Variants in TRIM54 observed in about 807,000 individuals in gnomAD.
The protein encoded by TRIM54 is tripartite motif-containing protein 54.
In TRIM54, 40 loss-of-function variants were observed where a neutral mutation model predicts 42.0. The observed-to-expected ratio is 0.95, with a 90% confidence interval of 0.74 to 1.24. The LOEUF is 1.24. TRIM54 is among the 50% of genes most tolerant of loss of function. The probability of loss-of-function intolerance (pLI) is 0.00; values close to 1 mark genes in which losing one functional copy is unlikely to be tolerated. For missense variants in TRIM54, 485 were observed against 480.3 expected, an observed-to-expected ratio of 1.01 and a Z score of -0.09; for synonymous variants, 199 against 194.9, an observed-to-expected ratio of 1.02 and a Z score of -0.17.
chr2:27,293,687 T>C lies in TRIM54; in HGVS notation c.169-4880T>C, dbSNP rs186067760. 3.3e-4 allele frequency among the ~76,000 whole-genome samples: 50 copies of C among 152,316 alleles called. 1 individual carries two copies. The East Asian group carries it at 7.7e-3, about 23-fold the overall frequency. On this transcript the variant is annotated intron_variant, in intron 1 of 8. Transcript: ENST00000380075. Reference sequence around the variant, plus strand: ...CTTTCCTCTGTGAAGGTTTGAGGTTTGTTCCTTCATTACCCTTTTACTTTT... The same window carrying C: ...CTTTCCTCTGTGAAGGTTTGAGGTTCGTTCCTTCATTACCCTTTTACTTTT...
rs1558580798 is a variant in TRIM54, at chr2:27,283,764, G to GCACACACGCACGCGCGCGCGCGCA, written c.168+872_168+873insGCACGCGCGCGCGCGCACACACAC. 1.3e-3 allele frequency among the ~76,000 whole-genome samples: 151 copies of GCACACACGCACGCGCGCGCGCGCA among 117,894 alleles called. 3 individuals carry two copies. Among genetic ancestry groups the GCACACACGCACGCGCGCGCGCGCA allele is most frequent in the Middle Eastern group, 8.0e-3 (2 of 250 alleles). 77.3% of individuals were successfully genotyped at this position (117,894 alleles called of 152,430 possible). A position where few individuals can be genotyped will look rare whatever the true frequency, so the allele number is the denominator to read the frequency against. On this transcript the variant is annotated intron_variant, in intron 1 of 8. Transcript: ENST00000380075. ...AGATCAGGGAGAGTGAGGGGCAAAG[G>GCACACACGCACGCGCGCGCGCGCA]CACACACACACACACGCGCGCACAC...
intron 1 of TRIM54, among the ~76,000 whole-genome samples, chr2:27,284,727 A>G (rs1203477531): frequency 6.6e-6 from 1 of 152,154 alleles, no homozygotes; most frequent in Non-Finnish European, 1.5e-5. Flanking sequence ...ATGAACTTAC[A>G]GTGAAACATC....
intron 1 of TRIM54, among the ~76,000 whole-genome samples, chr2:27,296,666 T>C (rs1235536305): frequency 6.6e-6 from 1 of 152,076 alleles, no homozygotes; most frequent in Non-Finnish European, 1.5e-5. Context: ...GTTTGTGCAA[T>C]TTCCTACAAA....
Position 27,305,721 on chromosome 2 carries a change from C to T in TRIM54, c.747C>T (p.Leu249=). 6.2e-7 allele frequency: 1 copy of T among 1,611,760 alleles called. No homozygotes were observed. The highest frequency in any genetic ancestry group is 8.5e-7 in the Non-Finnish European group (1 of 1,179,128). The change falls in exon 5 of 9, where the codon CTC becomes CTT. Residue 249 remains leucine (L), a synonymous_variant. Coordinates refer to ENST00000380075, the MANE Select transcript of TRIM54 (RefSeq NM_187841.3). The part of the protein sequence containing the change: ...QEEKLQRVRG[L]IRQYGDHLEA... ...AGAAGCTGCAGCGCGTCCGCGGCCT[C>T]ATCCGTCAGTATGGCGACCACCTGG...
intron 1 of TRIM54, among the ~76,000 whole-genome samples, chr2:27,291,542 T>C (rs1678720441): frequency 1.3e-5 from 2 of 152,170 alleles, no homozygotes; most frequent in Non-Finnish European, 2.9e-5. Context: ...ATCTTCATGC[T>C]TGTCATCAGT....
chr2:27,305,941 C>T (rs1679189838), intron 5 of TRIM54, 124 bp downstream of exon 5: 2 of 1,378,624 alleles, frequency 1.5e-6, no homozygotes, highest in Non-Finnish European at 2.0e-6. Flanking sequence ...GGCAAGTCAC[C>T]CCCTCTGAGT....
chr2:27,283,324 G>A (rs762806922), intron 1 of TRIM54, among the ~76,000 whole-genome samples: 1 of 152,104 alleles, frequency 6.6e-6, no homozygotes, highest in African/African-American at 2.4e-5. Context: ...AACAAAACCC[G>A]ACCCTGTGAG....
intron 1 of TRIM54, among the ~76,000 whole-genome samples, chr2:27,290,758 C>T (rs1309732232): frequency 6.6e-6 from 1 of 152,184 alleles, no homozygotes; most frequent in African/African-American, 2.4e-5. Flanking sequence ...GTGACAAAGT[C>T]ACGGGCTGCT....
rs1015642698 is a variant in TRIM54 at position 27,282,742 on chromosome 2, C to T, written c.11C>T (p.Thr4Ile). The change falls in exon 1 of 9, where the codon ACA (threonine) becomes ATA (isoleucine). Residue 4 changes from threonine (T) to isoleucine (I), a missense_variant. Physicochemically the swap from Thr to Ile is moderately conservative, Grantham distance 89. Transcript: ENST00000380075. ...ACGACCACCGAGGGGATGAACTTCA[C>T]AGTGGGTTTCAAGCCGCTGCTAGGG... MNF[T>I]VGFKPLLGDA... The T allele has an allele frequency of 9.3e-6, 15 of 1,612,022 alleles. No homozygotes were observed. The highest frequency in any genetic ancestry group is 1.3e-5 in the Non-Finnish European group (15 of 1,179,050).
At chr2:27,295,598 GC>G (rs1397416208) in intron 1 of TRIM54, among the ~76,000 whole-genome samples, 1 of 152,140 alleles carries the variant, frequency 6.6e-6, no homozygotes, top group Admixed American at 6.6e-5. Flanking sequence ...GAGCCAGCGC[GC>G]CTGGTCTCAA....
intron 3 of TRIM54, among the ~76,000 whole-genome samples, chr2:27,304,533 G>A (rs1426497303): frequency 6.7e-6 from 1 of 150,124 alleles, no homozygotes; most frequent in Non-Finnish European, 1.5e-5. Flanking sequence ...AGTTCTGGGA[G>A]ATGATGAGAA....
intron 1 of TRIM54, among the ~76,000 whole-genome samples, chr2:27,287,600 T>C (rs1451039818): frequency 6.6e-6 from 1 of 152,076 alleles, no homozygotes; most frequent in Non-Finnish European, 1.5e-5. Flanking sequence ...CATAGTCCAC[T>C]GTAACCTTGA....
intron 1 of TRIM54, among the ~76,000 whole-genome samples, chr2:27,298,281 C>T (rs1406145338): frequency 1.3e-5 from 2 of 152,176 alleles, no homozygotes; most frequent in African/African-American, 4.8e-5. Flanking sequence ...CCAAGCTGGA[C>T]CCCTTTGGAG....
intron 1 of TRIM54, among the ~76,000 whole-genome samples, chr2:27,289,860 C>A (rs1203197654): frequency 9.9e-6 from 1 of 100,608 alleles, no homozygotes; most frequent in Non-Finnish European, 2.0e-5. Flanking sequence ...CTCTCTTTCT[C>A]TTTTTTTTTT....
rs150805098 is a variant in TRIM54, at chr2:27,306,245, G to A, written c.899G>A (p.Gly300Glu). The change falls in exon 7 of 9, where the codon GGG becomes GAG. Residue 300 changes from glycine (G) to glutamate (E), a missense_variant. Transcript: ENST00000380075. This position sits in a 1 kb window ranked among gnomAD's most constrained non-coding sequence, Gnocchi z 6.1. ...GCCATGTCGAAGGTGGAGCTGGCAG[G>A]GCGGCCGGAGCCAGGCTATGAGAGC... Reference protein sequence around the residue: ...VGAMSKVELAGRPEPGYESME... With the variant: ...VGAMSKVELAERPEPGYESME... 131 of 1,614,108 alleles carry A rather than the reference G, an allele frequency of 8.1e-5. No homozygotes were observed. Among genetic ancestry groups the A allele is most frequent in the Non-Finnish European group, 1.1e-4 (129 of 1,180,020 alleles).
In TRIM54 at chr2:27,298,554, T is replaced by A. The variant is rs748280692; in HGVS notation, c.169-13T>A. The A allele has an allele frequency of 1.9e-6, 3 of 1,607,620 alleles. No homozygotes were observed. Among genetic ancestry groups the A allele is most frequent in the East Asian group, 4.5e-5 (2 of 44,728 alleles). On this transcript the variant is annotated splice_polypyrimidine_tract_variant and intron_variant, in intron 1 of 8. Transcript: ENST00000380075. ...TCCCCGTGCCTGTTCTCTCAAGCCA[T>A]CTGTCCCTGCAGGCCTCGAATCCTC...
At chr2:27,305,389 C>T in intron 4 of TRIM54, 195 bp from the exon 5 acceptor site, 3 of 600,514 alleles carry the variant, frequency 5.0e-6, no homozygotes, top group Non-Finnish European at 8.9e-6. Flanking sequence ...ATATAGACAG[C>T]AATCAGTGAA....
At position 27,282,757 on chromosome 2, in the gene TRIM54, C is replaced by T. The variant is rs748091647; in HGVS notation, c.26C>T (p.Pro9Leu). 65 of 1,612,046 alleles carry T rather than the reference C, an allele frequency of 4.0e-5. No individual in the cohort carries two copies. The highest frequency in any genetic ancestry group is 4.7e-5 in the Non-Finnish European group (56 of 1,179,092). Residue 9 changes from proline to leucine, a missense_variant, in exon 1 of 9, where the codon CCG becomes CTG. Transcript: ENST00000380075. MNFTVGFK[P>L]LLGDAHSMDN... ...ATGAACTTCACAGTGGGTTTCAAGC[C>T]GCTGCTAGGGGATGCACACAGCATG...
In TRIM54 at chr2:27,305,804, C is replaced by T. The variant is rs970244730; in HGVS notation, c.830C>T (p.Ala277Val). 2 of 1,601,974 alleles carry T rather than the reference C, an allele frequency of 1.2e-6. No homozygotes were observed. The highest frequency in any genetic ancestry group is 8.5e-7 in the Non-Finnish European group (1 of 1,174,220). The change falls in exon 5 of 9, where the codon GCG becomes GTG. Residue 277 changes from alanine (A) to valine (V), a missense_variant. Coordinates refer to ENST00000380075, the MANE Select transcript of TRIM54 (RefSeq NM_187841.3). ...AIQSMEEPQM[A>V]LYLQQAKELI... ...CAGTCCATGGAAGAGCCACAAATGG[C>T]GCTGTATCTCCAGGTGGGCTCTAGG...
Sources: gnomAD v4.1 joint callset for allele counts (sites outside exome capture counted in the v4.1 genomes callset) on GRCh38, gnomAD v4.1.1 for gene constraint, Gnocchi (gnomAD v3.1) non-coding constraint, MANE v1.5 for transcripts, NCBI Gene and HGNC (gene_info 2026-07-23, HGNC 2026-07-21) for gene names.